DNM1: variants seen among roughly 807,000 people sequenced by gnomAD.
The protein encoded by DNM1 is dynamin-1.
A neutral mutation model predicts 104.6 loss-of-function variants in DNM1; 29 were observed. The ratio of observed to expected loss-of-function variants is 0.28; its 90% CI spans 0.21 to 0.38. DNM1 has a LOEUF of 0.38. DNM1 is among the 10% of genes least tolerant of loss of function. The pLI, the probability that DNM1 is intolerant of heterozygous loss-of-function variation, is 1.00. For missense variants in DNM1, 640 were observed against 1,189.4 expected (o/e 0.54, Z 6.79); for synonymous variants, 445 against 475.8 (o/e 0.94, Z 0.84).
Position 128,254,872 on chromosome 9 carries a change from G to T in DNM1, c.*158G>T. On this transcript the variant is annotated 3_prime_UTR_variant, in exon 22 of 22. Coordinates refer to ENST00000372923, the MANE Select transcript of DNM1 (RefSeq NM_004408.4). The surrounding 1 kb of genome is among the most constrained non-coding windows in gnomAD (Gnocchi z 6.1). Reference sequence around the variant, plus strand: ...CTGATACATTCAGGTGTGACCGTTGGTGAAAACTTGTGCCCCTTCTGTGGT... The same window carrying T: ...CTGATACATTCAGGTGTGACCGTTGTTGAAAACTTGTGCCCCTTCTGTGGT... 1 of 638,558 alleles carries T rather than the reference G, an allele frequency of 1.6e-6. No individual in the cohort carries two copies. Among genetic ancestry groups the T allele is most frequent in the Non-Finnish European group, 2.7e-6 (1 of 367,494 alleles). The allele number at this position is 638,558 out of a possible 1,614,324, so 39.6% of individuals were successfully genotyped here.
rs1834959271 is a variant in DNM1, at chr9:128,220,930, TTTCTTTTCTTTTC to T, written c.849+592_849+604del. 7.1e-6 allele frequency among the ~76,000 whole-genome samples: 1 copy of T among 141,132 alleles called. No homozygotes were observed. Among genetic ancestry groups the T allele is most frequent in the South Asian group, 2.2e-4 (1 of 4,532 alleles). 92.6% of individuals were successfully genotyped at this position (141,132 alleles called of 152,430 possible). A position where few individuals can be genotyped will look rare whatever the true frequency, so the allele number is the denominator to read the frequency against. On this transcript the variant is annotated intron_variant, in intron 6 of 21. Transcript: ENST00000372923. The surrounding 1 kb of genome is among the most constrained non-coding windows in gnomAD (Gnocchi z 5.2). Reference sequence around the variant, plus strand: ...CTTTCTTTCTTTCTTTCTTTCTTTCTTTCTTTTCTTTTCTTTCTTTCTTTCCTTTCTTCTTTCT... The same window carrying T: ...CTTTCTTTCTTTCTTTCTTTCTTTCTTTTCTTTCTTTCCTTTCTTCTTTCT...
rs377153533 is a variant in DNM1 at position 128,253,160 on chromosome 9, G to A, written c.2535-1494G>A. ...ATGGTAGGTACATGCCTCACCGCCT[G>A]CTGCATGAACGGTGTGTCTGCCCCG... On this transcript the variant is annotated intron_variant, in intron 21 of 21. Coordinates refer to ENST00000372923, the MANE Select transcript of DNM1 (RefSeq NM_004408.4). The surrounding 1 kb of genome is among the most constrained non-coding windows in gnomAD (Gnocchi z 5.9). The A allele has an allele frequency of 3.1e-6, 5 of 1,600,590 alleles. No individual in the cohort carries two copies. Among genetic ancestry groups the A allele is most frequent in the South Asian group, 1.1e-5 (1 of 90,990 alleles).
At chr9:128,241,719 G>A (rs559495447) in intron 14 of DNM1, among the ~76,000 whole-genome samples, 1 of 152,234 alleles carries the variant, frequency 6.6e-6, no homozygotes, top group Admixed American at 6.5e-5. Flanking sequence ...TGGGAATCCT[G>A]ATTTATACTG....
chr9:128,227,009 C>CTTTTTTTTT (rs369464140), intron 10 of DNM1, among the ~76,000 whole-genome samples: 4 of 101,768 alleles, frequency 3.9e-5, no homozygotes, highest in Non-Finnish European at 3.7e-5. Context: ...ATCTCCATTC[C>CTTTTTTTTT]TTTTTTTTTT....
In DNM1 at chr9:128,250,392, C is replaced by A. The variant is rs904206157; in HGVS notation, c.2318+36C>A. The A allele has an allele frequency of 3.9e-6, 6 of 1,531,042 alleles. No individual in the cohort carries two copies. In the African/African-American group the frequency reaches 6.9e-5, roughly 18 times the overall value. The allele number at this position is 1,531,042 out of a possible 1,614,324, so 94.8% of individuals were successfully genotyped here. On this transcript the variant is annotated intron_variant, in intron 20 of 21. Coordinates refer to ENST00000372923, the MANE Select transcript of DNM1 (RefSeq NM_004408.4). ...CGGCCCCCACGGCCCCAAAGCCCCCCAGCCCGGGGCCCGCGGGAGGAATGC... is the reference window on the plus strand; with the variant it reads ...CGGCCCCCACGGCCCCAAAGCCCCCAAGCCCGGGGCCCGCGGGAGGAATGC...
intron 9 of DNM1, chr9:128,223,938 A>G: frequency 5.4e-6 from 1 of 186,156 alleles, no homozygotes; most frequent in Non-Finnish European, 1.1e-5. Flanking sequence ...AGTCCCAGCT[A>G]CTTGGGAGGC....
chr9:128,208,134 A>G (rs1414220687), intron 1 of DNM1, among the ~76,000 whole-genome samples: 1 of 151,126 alleles, frequency 6.6e-6, no homozygotes, highest in Non-Finnish European at 1.5e-5. Flanking sequence ...ATCTCAGCTC[A>G]CTGCAACCTC....
intron 10 of DNM1, among the ~76,000 whole-genome samples, chr9:128,229,264 A>G (rs9409305): frequency 0.8 from 120,491 of 151,256 alleles, 48,244 homozygotes; most frequent in East Asian, 1. Context: ...GCGTGGCAGT[A>G]TGCACCTGCA....
chr9:128,246,139 C>G (rs1836793747), intron 15 of DNM1, among the ~76,000 whole-genome samples: 1 of 152,160 alleles, frequency 6.6e-6, no homozygotes, highest in Non-Finnish European at 1.5e-5. Flanking sequence ...TTTTGGGAGC[C>G]ACTCTCAGCC....
chr9:128,247,586 A>G lies in DNM1; in HGVS notation c.1893+100A>G, dbSNP rs995091465. 1 of 1,015,750 alleles carries G rather than the reference A, an allele frequency of 9.8e-7. No homozygotes were observed. Among genetic ancestry groups the G allele is most frequent in the Non-Finnish European group, 1.5e-6 (1 of 673,302 alleles). 62.9% of individuals were successfully genotyped at this position (1,015,750 alleles called of 1,614,324 possible). A position where few individuals can be genotyped will look rare whatever the true frequency, so the allele number is the denominator to read the frequency against. ...AGTCATGCCATGTTTCCGAGCCCTT[A>G]TTTGGCTCAGAAATAATAGGAATCC... On this transcript the variant is annotated intron_variant, in intron 17 of 21. Transcript: ENST00000372923. The surrounding 1 kb of genome is among the most constrained non-coding windows in gnomAD (Gnocchi z 5.1).
Position 128,254,851 on chromosome 9 carries a change from TAC to T in DNM1, c.*139_*140del. ...TTAATCTGTTGTAGTGGTGAGCTGATACATTCAGGTGTGACCGTTGGTGAAAA... is the reference window on the plus strand; with the variant it reads ...TTAATCTGTTGTAGTGGTGAGCTGATATTCAGGTGTGACCGTTGGTGAAAA... On this transcript the variant is annotated 3_prime_UTR_variant, in exon 22 of 22. Coordinates refer to ENST00000372923, the MANE Select transcript of DNM1 (RefSeq NM_004408.4). This position sits in a 1 kb window ranked among gnomAD's most constrained non-coding sequence, Gnocchi z 6.1. The T allele has an allele frequency of 1.4e-6, 1 of 731,142 alleles. No homozygotes were observed. 45.3% of individuals were successfully genotyped at this position (731,142 alleles called of 1,614,324 possible).
intron 4 of DNM1, 127 bp downstream of exon 4, chr9:128,219,379 A>G: frequency 1.2e-6 from 1 of 856,142 alleles, no homozygotes; most frequent in Non-Finnish European, 1.8e-6. Context: ...TTTAAAAATC[A>G]CTTTGGGGGT....
chr9:128,214,167 C>T lies in DNM1; in HGVS notation c.162-4064C>T, dbSNP rs571713522. Among the ~76,000 whole-genome samples the T allele has an allele frequency of 6.6e-5, 10 of 152,298 alleles. No individual in the cohort carries two copies. The South Asian group carries it at 1.9e-3, about 28-fold the overall frequency. The stretch of plus-strand genomic sequence containing the variant: ...GAAACCCACCGTCCAACTCTCTCCC[C>T]GCTGCCTCTTCTGGTGACGAGGCTG... On this transcript the variant is annotated intron_variant, in intron 1 of 21. Coordinates refer to ENST00000372923, the MANE Select transcript of DNM1 (RefSeq NM_004408.4).
chr9:128,210,022 T>C (rs935766250), intron 1 of DNM1, among the ~76,000 whole-genome samples: 11 of 151,880 alleles, frequency 7.2e-5, no homozygotes, highest in Non-Finnish European at 1.3e-4. Context: ...TCCAAGTTTT[T>C]GTTTTGTTTT....
intron 1 of DNM1, among the ~76,000 whole-genome samples, chr9:128,215,127 C>T (rs572420776): frequency 6.6e-6 from 1 of 152,356 alleles, no homozygotes; most frequent in Non-Finnish European, 1.5e-5. Flanking sequence ...CCTGCTGGTC[C>T]TCCCCACTGT....
chr9:128,252,032 T>C lies in DNM1; in HGVS notation c.2534+1092T>C. 1.1e-5 allele frequency: 2 copies of C among 184,842 alleles called. 1 individual carries two copies. Among genetic ancestry groups the C allele is most frequent in the South Asian group, 2.2e-4 (2 of 9,204 alleles). The allele number at this position is 184,842 out of a possible 1,614,324, so 11.5% of individuals were successfully genotyped here. ...GCAGCATGGTATTGGGCAAGAGGACTGGACTGGGAGTCCAGAGATGCTGCT... is the reference window on the plus strand; with the variant it reads ...GCAGCATGGTATTGGGCAAGAGGACCGGACTGGGAGTCCAGAGATGCTGCT... On this transcript the variant is annotated intron_variant, in intron 21 of 21. Transcript: ENST00000372923.
chr9:128,218,184 G>A lies in DNM1; in HGVS notation c.162-47G>A. 6.3e-7 allele frequency: 1 copy of A among 1,584,174 alleles called. No homozygotes were observed. Among genetic ancestry groups the A allele is most frequent in the Non-Finnish European group, 8.7e-7 (1 of 1,152,724 alleles). On this transcript the variant is annotated intron_variant, in intron 1 of 21. Transcript: ENST00000372923. This position sits in a 1 kb window ranked among gnomAD's most constrained non-coding sequence, Gnocchi z 4.8. ...CGGACAGGTACCCCTGGGACAGAGG[G>A]CGCCCCCTCATATCTTGACCCTCCT...
intron 1 of DNM1, among the ~76,000 whole-genome samples, chr9:128,208,701 G>A (rs1206984995): frequency 6.6e-6 from 1 of 151,246 alleles, no homozygotes; most frequent in Non-Finnish European, 1.5e-5. Context: ...GGGGAGGCTT[G>A]CGGCTGATCG....
intron 10 of DNM1, among the ~76,000 whole-genome samples, chr9:128,231,420 C>T (rs550950070): frequency 4.2e-4 from 64 of 152,076 alleles, no homozygotes; most frequent in Non-Finnish European, 7.4e-4. Flanking sequence ...AGGCTGGTCT[C>T]GAACTCCCGA....
Sources: gnomAD v4.1 joint callset for allele counts (sites outside exome capture counted in the v4.1 genomes callset) on GRCh38, gnomAD v4.1.1 for gene constraint, Gnocchi (gnomAD v3.1) non-coding constraint, MANE v1.5 for transcripts, NCBI Gene and HGNC (gene_info 2026-07-23, HGNC 2026-07-21) for gene names.